Variants in CCDC61 observed in about 807,000 individuals in gnomAD.
CCDC61 encodes centrosomal protein CCDC61.
Under a neutral mutation model 63.0 loss-of-function variants are expected in CCDC61, and 55 were observed. The ratio of observed to expected loss-of-function variants is 0.87; its 90% CI spans 0.70 to 1.09. The LOEUF is 1.09. Ranked by LOEUF, CCDC61 falls within the 50% of genes least tolerant of loss-of-function variation. The probability of loss-of-function intolerance (pLI) is 0.00; values close to 1 mark genes in which losing one functional copy is unlikely to be tolerated. For missense variants in CCDC61, 651 were observed against 731.4 expected (o/e 0.89, Z 1.27); for synonymous variants, 270 against 317.0 (o/e 0.85, Z 1.58).
At chr19:46,000,090 A>C in intron 1 of CCDC61, 1 of 978,910 alleles carries the variant, frequency 1.0e-6, no homozygotes, top group Non-Finnish European at 1.2e-6. Context: ...GGGAGGGGAG[A>C]GGGGGCTCAG....
rs1176055975 is a variant in CCDC61 at position 46,008,545 on chromosome 19, AT to A, written c.551+246del. Reference sequence around the variant, plus strand: ...TGTCTCAGCCTCCCAAGTAGCTGGGATTACAGGCACGCGCCACCATGTCCGG... The same window carrying A: ...TGTCTCAGCCTCCCAAGTAGCTGGGATACAGGCACGCGCCACCATGTCCGG... On this transcript the variant is annotated intron_variant, in intron 5 of 13. Coordinates refer to ENST00000595358, the MANE Select transcript of CCDC61 (RefSeq NM_001267723.2). Among the ~76,000 whole-genome samples, 4 of 152,110 alleles carry A rather than the reference AT, an allele frequency of 2.6e-5. No individual in the cohort carries two copies. The East Asian group carries it at 7.7e-4, about 29-fold the overall frequency.
intron 5 of CCDC61, among the ~76,000 whole-genome samples, chr19:46,011,588 C>T (rs187901499): frequency 2.0e-5 from 3 of 152,196 alleles, no homozygotes; most frequent in Non-Finnish European, 2.9e-5. Flanking sequence ...GGTGGCTAAC[C>T]CTATATAGGT....
In CCDC61 at chr19:46,015,002, A is replaced by G; in HGVS notation, c.552-47A>G. 6.9e-7 allele frequency: 1 copy of G among 1,447,142 alleles called. No individual in the cohort carries two copies. Among genetic ancestry groups the G allele is most frequent in the Non-Finnish European group, 9.2e-7 (1 of 1,089,134 alleles). The allele number at this position is 1,447,142 out of a possible 1,614,324, so 89.6% of individuals were successfully genotyped here. A position where few individuals can be genotyped will look rare whatever the true frequency, so the allele number is the denominator to read the frequency against. On this transcript the variant is annotated intron_variant, in intron 5 of 13. Transcript: ENST00000595358. The surrounding 1 kb of genome is among the most constrained non-coding windows in gnomAD (Gnocchi z 5.3). ...GTCCCACCCCCATGGAGTAGTGGGAATGGGGCCATGCCTCTCTCTCCAGCG... is the reference window on the plus strand; with the variant it reads ...GTCCCACCCCCATGGAGTAGTGGGAGTGGGGCCATGCCTCTCTCTCCAGCG...
Position 46,006,717 on chromosome 19 carries a change from G to A in CCDC61, c.389+1G>A. 2 of 1,601,574 alleles carry A rather than the reference G, an allele frequency of 1.2e-6. No homozygotes were observed. The highest frequency in any genetic ancestry group is 2.2e-5 in the South Asian group (2 of 90,374). On this transcript the variant is annotated splice_donor_variant, in intron 4 of 13. Coordinates refer to ENST00000595358, the MANE Select transcript of CCDC61 (RefSeq NM_001267723.2). LOFTEE classifies it high-confidence loss of function. ...TCATCTACTCCGTGGAGTTTGACAG[G>A]TGGGGAGAAGGGTCTGGCTCCAGGG...
chr19:46,015,285 C>T lies in CCDC61; in HGVS notation c.762+26C>T. The T allele has an allele frequency of 6.5e-7, 1 of 1,547,842 alleles. No homozygotes were observed. Among genetic ancestry groups the T allele is most frequent in the Non-Finnish European group, 8.6e-7 (1 of 1,156,976 alleles). ...GTGAGCAGCGGGGGCCCGGGGCGGC[C>T]AGCGAGGCGCGGACCTCGGCCTCAG... is the stretch of plus-strand genomic sequence containing the variant. On this transcript the variant is annotated intron_variant, in intron 6 of 13. Coordinates refer to ENST00000595358, the MANE Select transcript of CCDC61 (RefSeq NM_001267723.2). This position sits in a 1 kb window ranked among gnomAD's most constrained non-coding sequence, Gnocchi z 5.3.
At position 46,015,970 on chromosome 19, in the gene CCDC61, CG is replaced by C; in HGVS notation, c.846-82del. 1 of 1,163,286 alleles carries C rather than the reference CG, an allele frequency of 8.6e-7. No homozygotes were observed. The highest frequency in any genetic ancestry group is 3.2e-5 in the East Asian group (1 of 30,834). 72.1% of individuals were successfully genotyped at this position (1,163,286 alleles called of 1,614,324 possible). On this transcript the variant is annotated intron_variant, in intron 7 of 13. Coordinates refer to ENST00000595358, the MANE Select transcript of CCDC61 (RefSeq NM_001267723.2). This position sits in a 1 kb window ranked among gnomAD's most constrained non-coding sequence, Gnocchi z 5.3. ...AGTTGATGGGGTAGGCCTGAGGGTT[CG>C]GAGAAGGTGCGGTCGGGGAGGAGTC...
intron 5 of CCDC61, among the ~76,000 whole-genome samples, chr19:46,011,032 C>T (rs1333653310): frequency 2.0e-5 from 3 of 151,750 alleles, no homozygotes; most frequent in Non-Finnish European, 1.5e-5. Flanking sequence ...TGCAGTTTGT[C>T]GAGGTCTTTC....
rs1331847514 is a variant in CCDC61, at chr19:46,016,064, C to T, written c.856C>T (p.Pro286Ser). ...CCTCTGTGGTCTCAGGAGGCGGACT[C>T]CGCCGGTGCAGCCGCCCCCGACGCG... ...LALYKRGRRT[P>S]PVQPPPTRED... is the part of the protein sequence containing the mutation. The change falls in exon 8 of 14, where the codon CCG (proline) becomes TCG (serine). Residue 286 changes from proline to serine, a missense_variant. Physicochemically the swap from Pro to Ser is moderately conservative, Grantham distance 74 (BLOSUM62 -1). Coordinates refer to ENST00000595358, the MANE Select transcript of CCDC61 (RefSeq NM_001267723.2). This position sits in a 1 kb window ranked among gnomAD's most constrained non-coding sequence, Gnocchi z 7.2. 8.1e-7 allele frequency: 1 copy of T among 1,235,374 alleles called. No individual in the cohort carries two copies. The allele number at this position is 1,235,374 out of a possible 1,614,324, so 76.5% of individuals were successfully genotyped here.
rs1435821173 is a variant in CCDC61, at chr19:46,015,665, G to A, written c.845+238G>A. On this transcript the variant is annotated intron_variant, in intron 7 of 13. Coordinates refer to ENST00000595358, the MANE Select transcript of CCDC61 (RefSeq NM_001267723.2). This position sits in a 1 kb window ranked among gnomAD's most constrained non-coding sequence, Gnocchi z 5.3. ...CAGGCTTGGGGCGGCGTTCAGGAGG[G>A]ACTGGGAAAGGGATCGTGCCCTAGG... 1.3e-5 allele frequency among the ~76,000 whole-genome samples: 2 copies of A among 152,170 alleles called. No homozygotes were observed. Among genetic ancestry groups the A allele is most frequent in the African/African-American group, 4.8e-5 (2 of 41,444 alleles).
rs1295357301 is a variant in CCDC61, at chr19:46,015,038, G to A, written c.552-11G>A. 1 of 1,489,080 alleles carries A rather than the reference G, an allele frequency of 6.7e-7. No individual in the cohort carries two copies. The highest frequency in any genetic ancestry group is 8.9e-7 in the Non-Finnish European group (1 of 1,123,696). The allele number at this position is 1,489,080 out of a possible 1,614,324, so 92.2% of individuals were successfully genotyped here. A position where few individuals can be genotyped will look rare whatever the true frequency, so the allele number is the denominator to read the frequency against. On this transcript the variant is annotated splice_polypyrimidine_tract_variant and intron_variant, in intron 5 of 13. Transcript: ENST00000595358. The surrounding 1 kb of genome is among the most constrained non-coding windows in gnomAD (Gnocchi z 5.3). ...CCTCTCTCTCCAGCGCTCTCTCCGC[G>A]TCTTCCCCAGGGTGTCGCGCCTGGC...
At position 46,003,156 on chromosome 19, in the gene CCDC61, C is replaced by G. The variant is rs200651280; in HGVS notation, c.138C>G (p.Phe46Leu). Reference sequence around the variant, plus strand: ...CGGCTGACCAGTGGCGGGGCGAGTTCGATGCTGGCTGTGAGTGTGCCTGCC... The same window carrying G: ...CGGCTGACCAGTGGCGGGGCGAGTTGGATGCTGGCTGTGAGTGTGCCTGCC... ...RMTADQWRGE[F>L]DAGFIEDLTH... is the part of the protein sequence containing the mutation. Residue 46 changes from phenylalanine to leucine, a missense_variant, in exon 2 of 14, where the codon TTC becomes TTG. Transcript: ENST00000595358. The G allele has an allele frequency of 1.4e-5, 23 of 1,608,006 alleles. No individual in the cohort carries two copies. The Admixed American group carries it at 3.9e-4, about 27-fold the overall frequency.
At chr19:46,009,319 C>T (rs1362894517) in intron 5 of CCDC61, among the ~76,000 whole-genome samples, 14 of 152,070 alleles carry the variant, frequency 9.2e-5, no homozygotes, top group African/African-American at 2.4e-5. Context: ...GGGGCTTGAT[C>T]GCTACCGGGA....
Position 46,010,131 on chromosome 19 carries a change from G to T in CCDC61, c.551+1830G>T, listed in dbSNP as rs769660166. On this transcript the variant is annotated intron_variant, in intron 5 of 13. Coordinates refer to ENST00000595358, the MANE Select transcript of CCDC61 (RefSeq NM_001267723.2). ...AGTTAATGTTTATTATGCTAGACAT[G>T]GTCTAAGCACTGTGGATAGATTCTT... Among the ~76,000 whole-genome samples the T allele has an allele frequency of 3.1e-4, 47 of 152,308 alleles. 1 individual carries two copies. Among genetic ancestry groups the T allele is most frequent in the Non-Finnish European group, 5.6e-4 (38 of 68,034 alleles).
At position 46,016,427 on chromosome 19, in the gene CCDC61, C is replaced by A. The variant is rs983097749; in HGVS notation, c.1091+34C>A. On this transcript the variant is annotated intron_variant, in intron 9 of 13. Transcript: ENST00000595358. This position sits in a 1 kb window ranked among gnomAD's most constrained non-coding sequence, Gnocchi z 7.2. ...CCCTTCCTCCCTCACCTGCCCCTGT[C>A]CCTGGCCCGTGCCCGCTCCCGGGCT... 6.2e-7 allele frequency: 1 copy of A among 1,607,878 alleles called. No individual in the cohort carries two copies. The highest frequency in any genetic ancestry group is 8.5e-7 in the Non-Finnish European group (1 of 1,175,972).
chr19:46,017,094 A>T, intron 11 of CCDC61, 25 bp downstream of exon 11: 2 of 1,604,834 alleles, frequency 1.2e-6, no homozygotes, highest in Non-Finnish European at 1.7e-6. Flanking sequence ...TGGGAAAAGG[A>T]TCGCCTCCAA....
At chr19:45,996,230 C>G (rs894115559) in intron 1 of CCDC61, 2 of 152,342 alleles carry the variant, frequency 1.3e-5, no homozygotes, top group Non-Finnish European at 2.9e-5. Context: ...AGAACTCCCA[C>G]GTGTGTATTT....
intron 5 of CCDC61, among the ~76,000 whole-genome samples, chr19:46,009,825 T>C (rs530187445): frequency 0.27 from 40,811 of 151,524 alleles, 5,731 homozygotes; most frequent in African/African-American, 0.33. Context: ...TATGTGTGTG[T>C]GTGTGTGTGT....
Position 46,015,426 on chromosome 19 carries a change from G to T in CCDC61, c.844G>T (p.Gly282Trp), listed in dbSNP as rs757156471. Residue 282 changes from glycine (G) to tryptophan (W), a missense_variant and splice_region_variant, in exon 7 of 14, where the codon GGG (glycine) becomes TGG (tryptophan). Transcript: ENST00000595358. The surrounding 1 kb of genome is among the most constrained non-coding windows in gnomAD (Gnocchi z 5.3). ...CAGCGAGCTGGCATTGTACAAGAGG[G>T]GGTGAGAGCGAGGCCTGCCAGGCGC... ...LTSELALYKR[G>W]RRTPPVQPPP... 79 of 1,598,502 alleles carry T rather than the reference G, an allele frequency of 4.9e-5. 1 individual carries two copies. The highest frequency in any genetic ancestry group is 1.4e-4 in the South Asian group (13 of 90,306).
intron 1 of CCDC61, among the ~76,000 whole-genome samples, chr19:46,001,318 C>A (rs1968587374): frequency 6.6e-6 from 1 of 152,152 alleles, no homozygotes; most frequent in Admixed American, 6.6e-5. Flanking sequence ...CCTCTGCCTC[C>A]CGGGTTCAAG....
Sources: gnomAD v4.1 joint callset for allele counts (sites outside exome capture counted in the v4.1 genomes callset) on GRCh38, gnomAD v4.1.1 for gene constraint, Gnocchi (gnomAD v3.1) non-coding constraint, MANE v1.5 for transcripts, NCBI Gene and HGNC (gene_info 2026-07-23, HGNC 2026-07-21) for gene names.